NCOR2: variants seen among roughly 807,000 people sequenced by gnomAD.
NCOR2 encodes the protein CTG repeat protein 26.
A neutral mutation model predicts 262.9 loss-of-function variants in NCOR2; 81 were observed. The ratio of observed to expected loss-of-function variants is 0.31; its 90% confidence interval spans 0.26 to 0.37. The LOEUF (loss-of-function observed/expected upper bound fraction) is 0.37. Among genes scored for constraint, NCOR2 ranks in the 10% least tolerant of loss-of-function variants. The pLI, the probability that NCOR2 is intolerant of heterozygous loss-of-function variation, is 1.00. For synonymous variants in NCOR2, 1,659 were observed against 1,559.3 expected (o/e 1.06, Z -1.51); for missense variants, 3,385 against 3,621.4 (o/e 0.93, Z 1.68).
intron 20 of NCOR2, among the ~76,000 whole-genome samples, chr12:124,370,254 A>ACAGGGT (rs1294154895): frequency 6.6e-6 from 1 of 152,190 alleles, no homozygotes; most frequent in African/African-American, 2.4e-5. Context: ...TTTGCTCATC[A>ACAGGGT]CAGGGTCAGG....
chr12:124,346,765 G>C (rs751847250), exon 31 of NCOR2: 14 of 1,558,196 alleles, frequency 9.0e-6, no homozygotes, highest in Admixed American at 3.9e-5. Flanking sequence ...AGGGCGGTGG[G>C]GGCGGAGGCG....
In NCOR2 at chr12:124,354,602, G is replaced by T. The variant is rs1322421229; in HGVS notation, c.3485-20C>A. On this transcript the variant is annotated intron_variant, in intron 25 of 46. Transcript: ENST00000405201. Reference sequence around the variant, plus strand: ...AGGGTGCTGAGGACCAGTAAGAGGAGCGAGTCACGTGCTGCCGGAGCAGGG... The same window carrying T: ...AGGGTGCTGAGGACCAGTAAGAGGATCGAGTCACGTGCTGCCGGAGCAGGG... The T allele has an allele frequency of 7.2e-6, 11 of 1,525,336 alleles. 1 individual carries two copies. In the South Asian group the frequency reaches 1.4e-4, roughly 19 times the overall value. The allele number at this position is 1,525,336 out of a possible 1,614,324, so 94.5% of individuals were successfully genotyped here.
chr12:124,350,764 A>G, intron 27 of NCOR2, 27 bp from the exon 30 acceptor site: 1 of 1,598,178 alleles, frequency 6.3e-7, no homozygotes, highest in Non-Finnish European at 8.5e-7. Context: ...GTGAGCGCCC[A>G]GGAGGCTGCA....
chr12:124,359,419 A>G (rs970943923), intron 22 of NCOR2, among the ~76,000 whole-genome samples: 19 of 152,360 alleles, frequency 1.2e-4, no homozygotes, highest in African/African-American at 3.1e-4. Context: ...AAGAAGGCCT[A>G]TGTACCAAAT....
At chr12:124,354,980 C>G in intron 24 of NCOR2, 41 bp from the exon 27 acceptor site, 1 of 1,558,822 alleles carries the variant, frequency 6.4e-7, no homozygotes, top group Non-Finnish European at 8.8e-7. Flanking sequence ...GCACCCTGGT[C>G]CCTCCCCCAC....
intron 41 of NCOR2, 186 bp downstream of exon 43, chr12:124,334,238 T>C: frequency 1.9e-6 from 1 of 517,554 alleles, no homozygotes; most frequent in Non-Finnish European, 3.4e-6. Flanking sequence ...TGTACTTTCA[T>C]CAGCTATTAT....
At position 124,482,993 on chromosome 12, in the gene NCOR2, G is replaced by A. The variant is rs1051293469; in HGVS notation, c.411+603C>T. 2.6e-5 allele frequency among the ~76,000 whole-genome samples: 4 copies of A among 152,186 alleles called. No individual in the cohort carries two copies. The highest frequency in any genetic ancestry group is 4.8e-5 in the African/African-American group (2 of 41,512). The stretch of plus-strand genomic sequence containing the variant: ...CCAACTCTGTCTCATCTCACTTTGC[G>A]GGACTCTGGAGTCTCCCCTCCCTGA... On this transcript the variant is annotated intron_variant, in intron 3 of 46. Transcript: ENST00000405201. This position sits in a 1 kb window ranked among gnomAD's most constrained non-coding sequence, Gnocchi z 6.3.
rs2137251248 is a variant in NCOR2 at position 124,549,038 on chromosome 12, T to C, written c.-164-13427A>G. ...ATTCTGTGTCGAGTCTAGTCTGTATTAAGGAGGAATTTCATTGCCCAGGAG... is the reference window on the plus strand; with the variant it reads ...ATTCTGTGTCGAGTCTAGTCTGTATCAAGGAGGAATTTCATTGCCCAGGAG... On this transcript the variant is annotated intron_variant, in intron 1 of 32. Transcript: ENST00000458234. This position sits in a 1 kb window ranked among gnomAD's most constrained non-coding sequence, Gnocchi z 4.4. Among the ~76,000 whole-genome samples the C allele has an allele frequency of 6.6e-6, 1 of 152,054 alleles. No individual in the cohort carries two copies. The highest frequency in any genetic ancestry group is 1.5e-5 in the Non-Finnish European group (1 of 67,980).
chr12:124,420,469 C>A (rs2043144911), intron 12 of NCOR2, among the ~76,000 whole-genome samples: 1 of 152,110 alleles, frequency 6.6e-6, no homozygotes, highest in Non-Finnish European at 1.5e-5. Context: ...AAACATAGGT[C>A]CGGGTTCTCT....
chr12:124,334,304 T>G (rs1415216171), intron 41 of NCOR2, 120 bp downstream of exon 43: 1 of 659,954 alleles, frequency 1.5e-6, no homozygotes, highest in Non-Finnish European at 2.5e-6. Flanking sequence ...ATTTCTTGCC[T>G]GTGCAATGGC....
upstream of NCOR2, among the ~76,000 whole-genome samples, chr12:124,536,935 C>T (rs1042929220): frequency 5.3e-5 from 8 of 152,190 alleles, no homozygotes; most frequent in African/African-American, 1.9e-4. Context: ...AACAGTGGTA[C>T]ATCCATGCCA....
chr12:124,340,743 C>T (rs12370191), exon 35 of NCOR2: 18 of 1,540,320 alleles, frequency 1.2e-5, no homozygotes, highest in South Asian at 2.5e-5. Context: ...TGGGACAGGT[C>T]GATGATGCCT....
intron 33 of NCOR2, 88 bp downstream of exon 35, chr12:124,342,917 T>C: frequency 7.1e-7 from 1 of 1,415,846 alleles, no homozygotes; most frequent in Admixed American, 2.2e-5. Context: ...TGACAGTTGA[T>C]GCCTAAGGAG....
At chr12:124,355,466 C>T in exon 24 of NCOR2, 1 of 1,613,280 alleles carries the variant, frequency 6.2e-7, no homozygotes, top group South Asian at 1.1e-5. Flanking sequence ...CTCGAGGACG[C>T]TGGGGTGCTT....
At chr12:124,507,724 C>T (rs1258030291) in intron 1 of NCOR2, among the ~76,000 whole-genome samples, 2 of 152,246 alleles carry the variant, frequency 1.3e-5, no homozygotes, top group Non-Finnish European at 2.9e-5. Context: ...GGCCCCTGGA[C>T]CCCAAAACTT....
chr12:124,387,196 TTTCATTCATTCATTCA>T (rs373449303), intron 16 of NCOR2, among the ~76,000 whole-genome samples: 17 of 147,568 alleles, frequency 1.2e-4, no homozygotes, highest in Non-Finnish European at 2.1e-4. Context: ...GTGTTGGTAT[TTTCATTCATTCATTCA>T]TTCATTCATT....
intron 18 of NCOR2, among the ~76,000 whole-genome samples, chr12:124,377,694 C>A (rs1565890003): frequency 6.6e-6 from 1 of 152,044 alleles, no homozygotes; most frequent in East Asian, 1.9e-4. Context: ...CAAAAATTAG[C>A]CGGGTGTGGC....
intron 20 of NCOR2, among the ~76,000 whole-genome samples, chr12:124,371,358 G>A (rs1289492611): frequency 6.6e-6 from 1 of 152,206 alleles, no homozygotes; most frequent in African/African-American, 2.4e-5. Context: ...GTACATTCAA[G>A]TCCTAACCCA....
intron 1 of NCOR2, among the ~76,000 whole-genome samples, chr12:124,559,564 A>T (rs1485468023): frequency 6.6e-6 from 1 of 152,356 alleles, no homozygotes; most frequent in East Asian, 1.9e-4. Flanking sequence ...GGGATGGTGC[A>T]TGAAAGCATC....
Sources: gnomAD v4.1 joint callset for allele counts (sites outside exome capture counted in the v4.1 genomes callset) on GRCh38, gnomAD v4.1.1 for gene constraint, Gnocchi (gnomAD v3.1) non-coding constraint, MANE v1.5 for transcripts, NCBI Gene and HGNC (gene_info 2026-07-23, HGNC 2026-07-21) for gene names.